The following MUC15 variants were observed in gnomAD, a reference collection of about 807,000 sequenced individuals.
MUC15 encodes the protein mucin-15.
A neutral mutation model predicts 24.0 loss-of-function variants in MUC15; 23 were observed. That is an observed-to-expected ratio of 0.96 (90% CI 0.69 to 1.36). MUC15 has a LOEUF of 1.36. Among genes scored for constraint, MUC15 ranks in the 40% most tolerant of loss-of-function variants. The pLI is 0.00. For synonymous variants in MUC15, 151 were observed against 156.3 expected, an observed-to-expected ratio of 0.97 and a Z score of 0.25; for missense variants, 442 against 428.2, an observed-to-expected ratio of 1.03 and a Z score of -0.29.
At chr11:26,565,027 T>A (rs1850510770) in intron 3 of MUC15, 138 bp downstream of exon 3, 1 of 790,034 alleles carries the variant, frequency 1.3e-6, no homozygotes, top group South Asian at 3.2e-5. Flanking sequence ...ATAATGATCA[T>A]CCCTCAAAAG....
rs543662791 is a variant in MUC15, at chr11:26,560,914, T to C, written c.*151A>G. 3.4e-4 allele frequency: 241 copies of C among 715,692 alleles called. No individual in the cohort carries two copies. The African/African-American group carries it at 4.1e-3, about 12-fold the overall frequency. 44.3% of individuals were successfully genotyped at this position (715,692 alleles called of 1,614,324 possible). A position where few individuals can be genotyped will look rare whatever the true frequency, so the allele number is the denominator to read the frequency against. ...GAAAACCTTTGGATGATACATCCTG[T>C]CTACATTTCTGCTACTGGTCTCCTG... On this transcript the variant is annotated 3_prime_UTR_variant, in exon 5 of 5. Coordinates refer to ENST00000529533, the MANE Select transcript of MUC15 (RefSeq NM_001135091.2).
chr11:26,561,268 GAA>G (rs1318546740), intron 4 of MUC15, 43 bp from the exon 5 acceptor site: 2 of 1,456,808 alleles, frequency 1.4e-6, no homozygotes, highest in Non-Finnish European at 1.8e-6. Context: ...GTGATACTCT[GAA>G]AGATTCATGT....
In MUC15 at chr11:26,561,001, T is replaced by C. The variant is rs1410257883; in HGVS notation, c.*64A>G. On this transcript the variant is annotated 3_prime_UTR_variant, in exon 5 of 5. Coordinates refer to ENST00000529533, the MANE Select transcript of MUC15 (RefSeq NM_001135091.2). ...TAATTTTGTGTAACCTTTTGAAAGA[T>C]GAATTTGTCAAAAGGCTAGGATGTA... 5 of 1,485,612 alleles carry C rather than the reference T, an allele frequency of 3.4e-6. No homozygotes were observed. Among genetic ancestry groups the C allele is most frequent in the Non-Finnish European group, 4.6e-6 (5 of 1,096,492 alleles). The allele number at this position is 1,485,612 out of a possible 1,614,324, so 92.0% of individuals were successfully genotyped here. A position where few individuals can be genotyped will look rare whatever the true frequency, so the allele number is the denominator to read the frequency against.
At position 26,560,937 on chromosome 11, in the gene MUC15, CT is replaced by C. The variant is rs1850263591; in HGVS notation, c.*127del. ...TGTCTACATTTCTGCTACTGGTCTCCTGCTTTTATGATTCTCCTTGACAAAA... is the reference window on the plus strand; with the variant it reads ...TGTCTACATTTCTGCTACTGGTCTCCGCTTTTATGATTCTCCTTGACAAAA... On this transcript the variant is annotated 3_prime_UTR_variant, in exon 5 of 5. Transcript: ENST00000529533. 1.1e-6 allele frequency: 1 copy of C among 915,992 alleles called. No homozygotes were observed. Among genetic ancestry groups the C allele is most frequent in the Non-Finnish European group, 1.6e-6 (1 of 617,388 alleles). 56.7% of individuals were successfully genotyped at this position (915,992 alleles called of 1,614,324 possible). A position where few individuals can be genotyped will look rare whatever the true frequency, so the allele number is the denominator to read the frequency against.
At chr11:26,569,027 G>A (rs1013778930) in intron 1 of MUC15, among the ~76,000 whole-genome samples, 2 of 151,936 alleles carry the variant, frequency 1.3e-5, no homozygotes, top group African/African-American at 4.8e-5. Context: ...AATGTCCTTA[G>A]CTGTTCTTCT....
At chr11:26,561,698 A>C (rs1352118961) in intron 4 of MUC15, among the ~76,000 whole-genome samples, 1 of 151,986 alleles carries the variant, frequency 6.6e-6, no homozygotes, top group Non-Finnish European at 1.5e-5. Context: ...GGAGATAAAA[A>C]AAGTATTTGT....
chr11:26,565,410 G>C lies in MUC15; in HGVS notation c.530C>G (p.Thr177Ser). The C allele has an allele frequency of 6.2e-7, 1 of 1,613,382 alleles. No homozygotes were observed. Among genetic ancestry groups the C allele is most frequent in the Non-Finnish European group, 8.5e-7 (1 of 1,179,522 alleles). Reference protein sequence around the residue: ...ATPALSSENFTWSLVNDTVKT... With the variant: ...ATPALSSENFSWSLVNDTVKT... The stretch of plus-strand genomic sequence containing the variant: ...CACGGTGTCATTGACCAAAGACCAA[G>C]TGAAGTTTTCTGAAGACAGAGCAGG... The change falls in exon 3 of 5, where the codon ACT becomes AGT. Residue 177 changes from threonine (T) to serine (S), a missense_variant. By Grantham distance (58) the Thr-to-Ser change is moderately conservative. Coordinates refer to ENST00000529533, the MANE Select transcript of MUC15 (RefSeq NM_001135091.2).
chr11:26,570,329 C>G (rs1398901790), intron 1 of MUC15, among the ~76,000 whole-genome samples: 1 of 151,990 alleles, frequency 6.6e-6, no homozygotes, highest in Non-Finnish European at 1.5e-5. Context: ...CAAAAAACAC[C>G]TCTGGCCAGT....
At chr11:26,561,482 GTATAGTA>G (rs1850289800) in intron 4 of MUC15, among the ~76,000 whole-genome samples, 1 of 151,946 alleles carries the variant, frequency 6.6e-6, no homozygotes, top group South Asian at 2.1e-4. Context: ...GAAGAGACCA[GTATAGTA>G]TATCAATACC....
At position 26,559,875 on chromosome 11, in the gene MUC15, C is replaced by CCATGA. The variant is rs1554969837; in HGVS notation, c.*1185_*1189dup. On this transcript the variant is annotated 3_prime_UTR_variant, in exon 5 of 5. Transcript: ENST00000529533. ...ACACACACACACACACACACACACA[C>CCATGA]CATGAATCAATTCAAAAATAAAGCC... is the stretch of plus-strand genomic sequence containing the variant. 3 of 786,678 alleles carry CCATGA rather than the reference C, an allele frequency of 3.8e-6. No individual in the cohort carries two copies. The African/African-American group carries it at 5.3e-5, about 14-fold the overall frequency. The allele number at this position is 786,678 out of a possible 1,614,324, so 48.7% of individuals were successfully genotyped here. A position where few individuals can be genotyped will look rare whatever the true frequency, so the allele number is the denominator to read the frequency against.
At chr11:26,566,445 C>T (rs574186881) in intron 2 of MUC15, among the ~76,000 whole-genome samples, 1 of 151,788 alleles carries the variant, frequency 6.6e-6, no homozygotes, top group Admixed American at 6.6e-5. Flanking sequence ...CCCTTGAATA[C>T]ATTTTATTAG....
chr11:26,565,501 C>T lies in MUC15; in HGVS notation c.439G>A (p.Val147Met), dbSNP rs1045807927. ...TCTGCTATAGGTGCATTCCAAGGCA[C>T]TTTAGAAACAAAGCTATGGATCAAG... ...PPLIHSFVSKVPWNAPIADED... is the reference protein window; with the variant it reads ...PPLIHSFVSKMPWNAPIADED... Residue 147 changes from valine to methionine, a missense_variant, in exon 3 of 5, where the codon GTG becomes ATG. Transcript: ENST00000529533. 9 of 1,613,258 alleles carry T rather than the reference C, an allele frequency of 5.6e-6. No homozygotes were observed. Among genetic ancestry groups the T allele is most frequent in the South Asian group, 4.4e-5 (4 of 91,068 alleles).
intron 3 of MUC15, 139 bp from the exon 4 acceptor site, chr11:26,563,404 TGTGTGTG>T: frequency 3.3e-6 from 1 of 299,282 alleles, no homozygotes; most frequent in South Asian, 6.1e-5. Context: ...TCTGTGTGTG[TGTGTGTG>T]TGTGTGTGTG....
intron 3 of MUC15, among the ~76,000 whole-genome samples, chr11:26,563,970 T>A (rs1444481848): frequency 6.6e-6 from 1 of 151,872 alleles, no homozygotes; most frequent in African/African-American, 2.4e-5. Context: ...TCTTTTTTTC[T>A]TCTCTTTTTT....
chr11:26,559,527 A>G lies in MUC15; in HGVS notation c.*1538T>C. On this transcript the variant is annotated 3_prime_UTR_variant, in exon 5 of 5. Transcript: ENST00000529533. ...AGAAGAGGGCTAATGTTGTTTCTTC[A>G]CCTCTCCCCATGAGAAAAATCATGT... The G allele has an allele frequency of 1.8e-6, 1 of 558,500 alleles. No individual in the cohort carries two copies. The highest frequency in any genetic ancestry group is 2.4e-5 in the South Asian group (1 of 41,504). The allele number at this position is 558,500 out of a possible 1,614,324, so 34.6% of individuals were successfully genotyped here.
chr11:26,563,120 T>C lies in MUC15; in HGVS notation c.921A>G (p.Glu307=). Residue 307 remains glutamate (E), a synonymous_variant, in exon 4 of 5, where the codon GAA becomes GAG. Transcript: ENST00000529533. ...AGTATTGAAAATAGATTTTACCTGGTTCATTTCTGTCGTCATAAAGTCGCC... is the reference window on the plus strand; with the variant it reads ...AGTATTGAAAATAGATTTTACCTGGCTCATTTCTGTCGTCATAAAGTCGCC... The part of the protein sequence containing the change: ...SHRRLYDDRN[E]PVLRLDNAPE... 1 of 1,611,384 alleles carries C rather than the reference T, an allele frequency of 6.2e-7. No homozygotes were observed. The highest frequency in any genetic ancestry group is 8.5e-7 in the Non-Finnish European group (1 of 1,178,506).
In MUC15 at chr11:26,560,846, G is replaced by A. The variant is rs966001663; in HGVS notation, c.*219C>T. 1.7e-5 allele frequency: 7 copies of A among 423,212 alleles called. No individual in the cohort carries two copies. In the East Asian group the frequency reaches 1.7e-4, roughly 10 times the overall value. 26.2% of individuals were successfully genotyped at this position (423,212 alleles called of 1,614,324 possible). A position where few individuals can be genotyped will look rare whatever the true frequency, so the allele number is the denominator to read the frequency against. ...AAATACTACTAAAATACAAATTAAG[G>A]CTACTTAGTAAATGCCTCAGGATGG... On this transcript the variant is annotated 3_prime_UTR_variant, in exon 5 of 5. Transcript: ENST00000529533.
rs1005746503 is a variant in MUC15, at chr11:26,559,927, T to C, written c.*1138A>G. On this transcript the variant is annotated 3_prime_UTR_variant, in exon 5 of 5. Transcript: ENST00000529533. ...CTAGGTTGGTACTTGATTTGTTTGCTCTCTTCATATATTCAGTGCTTCTTT... is the reference window on the plus strand; with the variant it reads ...CTAGGTTGGTACTTGATTTGTTTGCCCTCTTCATATATTCAGTGCTTCTTT... 2.2e-4 allele frequency: 136 copies of C among 605,716 alleles called. No individual in the cohort carries two copies. The highest frequency in any genetic ancestry group is 4.1e-5 in the Non-Finnish European group (14 of 341,256). The allele number at this position is 605,716 out of a possible 1,614,324, so 37.5% of individuals were successfully genotyped here.
chr11:26,571,333 A>T (rs1255303158), intron 1 of MUC15, among the ~76,000 whole-genome samples: 1 of 152,158 alleles, frequency 6.6e-6, no homozygotes, highest in African/African-American at 2.4e-5. Context: ...TTTAATAAAA[A>T]AAGAGGCTTA....
Sources: allele counts gnomAD v4.1 joint callset (sites outside exome capture counted in the v4.1 genomes callset), GRCh38; gene constraint gnomAD v4.1.1; transcripts MANE v1.5; gene names NCBI Gene and HGNC (gene_info 2026-07-23, HGNC 2026-07-21).